The following ANKRD36C variants were observed in gnomAD, a reference collection of about 807,000 sequenced individuals.
The protein encoded by ANKRD36C is ankyrin repeat domain-containing protein 36C.
ANKRD36C carries 61 observed loss-of-function variants against 276.4 expected under a neutral mutation model. That is an observed-to-expected ratio of 0.22 (90% CI 0.18 to 0.27). The LOEUF (loss-of-function observed/expected upper bound fraction) is 0.27, where lower values mean the gene tolerates loss of function less well. Among genes scored for constraint, ANKRD36C ranks in the 10% least tolerant of loss-of-function variants. ANKRD36C has a pLI of 1.00. For missense variants in ANKRD36C, 1,447 were observed against 2,032.3 expected (o/e 0.71, Z 5.54); for synonymous variants, 483 against 680.1 (o/e 0.71, Z 4.51).
At chr2:95,946,294 AAC>A (rs1678048567) in intron 17 of ANKRD36C, among the ~76,000 whole-genome samples, 1 of 151,694 alleles carries the variant, frequency 6.6e-6, no homozygotes, top group African/African-American at 2.4e-5. Flanking sequence ...GCAGCCAAAA[AAC>A]ACATGAAAAA....
exon 67 of ANKRD36C, chr2:95,851,194 A>G (rs1269445781): frequency 1.3e-6 from 2 of 1,539,650 alleles, no homozygotes; most frequent in East Asian, 2.4e-5. Flanking sequence ...CACCTGCAGC[A>G]TCTGAAATAA....
chr2:95,882,886 C>A (rs894405414), intron 54 of ANKRD36C, among the ~76,000 whole-genome samples: 1 of 152,096 alleles, frequency 6.6e-6, no homozygotes, highest in Non-Finnish European at 1.5e-5. Flanking sequence ...TGCAAGACAT[C>A]AGAAGGATTT....
chr2:95,859,842 A>G lies in ANKRD36C; in HGVS notation c.3896+19T>C. The G allele has an allele frequency of 6.5e-7, 1 of 1,547,684 alleles. No homozygotes were observed. The highest frequency in any genetic ancestry group is 8.7e-7 in the Non-Finnish European group (1 of 1,145,618). On this transcript the variant is annotated intron_variant, in intron 61 of 66. Coordinates refer to ENST00000456556, the Ensembl canonical transcript of ANKRD36C. ...TATAAAACAAACAGTTCAAACATTTATTTAAAACTAGGTCATACCTCAAAC... is the reference window on the plus strand; with the variant it reads ...TATAAAACAAACAGTTCAAACATTTGTTTAAAACTAGGTCATACCTCAAAC...
chr2:95,882,232 T>A, intron 56 of ANKRD36C, 70 bp downstream of exon 76: 1 of 1,515,726 alleles, frequency 6.6e-7, no homozygotes, highest in Non-Finnish European at 8.9e-7. Flanking sequence ...CCCCTGCTGA[T>A]CTATTCAGGG....
At chr2:95,866,396 T>C (rs541281293) in intron 60 of ANKRD36C, among the ~76,000 whole-genome samples, 11 of 152,186 alleles carry the variant, frequency 7.2e-5, no homozygotes, top group Non-Finnish European at 1.5e-4. Flanking sequence ...CTAAAAGTAA[T>C]AGTATCCAAA....
chr2:95,860,968 A>C (rs1244112687), intron 60 of ANKRD36C, among the ~76,000 whole-genome samples: 1 of 152,186 alleles, frequency 6.6e-6, no homozygotes, highest in African/African-American at 2.4e-5. Flanking sequence ...CAGTTAAAGA[A>C]AATTAGCAGA....
chr2:95,892,624 A>T (rs887502398), intron 44 of ANKRD36C, among the ~76,000 whole-genome samples: 5 of 151,556 alleles, frequency 3.3e-5, no homozygotes, highest in Non-Finnish European at 5.9e-5. Flanking sequence ...TTGACCAGTT[A>T]TTCATTCAGA....
chr2:95,872,730 T>C (rs1171229189), intron 59 of ANKRD36C, among the ~76,000 whole-genome samples: 1 of 151,956 alleles, frequency 6.6e-6, no homozygotes, highest in African/African-American at 2.4e-5. Context: ...ATCCAGGAGC[T>C]GGTTTTTTGA....
intron 59 of ANKRD36C, among the ~76,000 whole-genome samples, chr2:95,873,782 T>C (rs1343240218): frequency 3.3e-5 from 5 of 152,292 alleles, no homozygotes; most frequent in South Asian, 2.1e-4. Flanking sequence ...GAAAACCCCA[T>C]TGTCTCAGCC....
intron 65 of ANKRD36C, 59 bp from the exon 86 acceptor site, chr2:95,851,846 AT>A (rs1675299126): frequency 6.8e-7 from 1 of 1,472,980 alleles, no homozygotes; most frequent in Non-Finnish European, 9.1e-7. Context: ...AATCATGTAA[AT>A]TCTAAACAAA....
At chr2:95,880,189 AAAAAC>A (rs1205862557) in intron 58 of ANKRD36C, among the ~76,000 whole-genome samples, 42 of 151,854 alleles carry the variant, frequency 2.8e-4, no homozygotes, top group Non-Finnish European at 2.1e-4. Flanking sequence ...TCCAAAAACA[AAAAAC>A]AAAACAAAAC....
chr2:95,852,070 G>A, intron 65 of ANKRD36C, 56 bp downstream of exon 85: 2 of 1,524,184 alleles, frequency 1.3e-6, no homozygotes. Context: ...TCATACTACA[G>A]TGCTCCTTTG....
At chr2:95,956,680 T>C in intron 13 of ANKRD36C, 106 bp downstream of exon 13, 1 of 978,318 alleles carries the variant, frequency 1.0e-6, no homozygotes, top group South Asian at 1.7e-5. Context: ...ATATTAAGCA[T>C]GTAATACGGT....
chr2:95,857,268 A>G, intron 62 of ANKRD36C, 41 bp downstream of exon 82: 2 of 1,575,608 alleles, frequency 1.3e-6, no homozygotes, highest in Non-Finnish European at 1.7e-6. Flanking sequence ...AGTAATATTA[A>G]TAAGAGTAGA....
chr2:95,930,265 G>T (rs1490613675), intron 24 of ANKRD36C, among the ~76,000 whole-genome samples: 2 of 151,252 alleles, frequency 1.3e-5, no homozygotes, highest in Non-Finnish European at 3.0e-5. Context: ...ATATACCTCT[G>T]GTGCCCAATG....
intron 28 of ANKRD36C, among the ~76,000 whole-genome samples, chr2:95,926,840 C>G (rs1162038278): frequency 1.3e-5 from 2 of 151,558 alleles, no homozygotes; most frequent in African/African-American, 4.8e-5. Context: ...GGGCTATTAC[C>G]ATAATTTCTC....
chr2:95,949,119 C>A (rs1224813135), intron 16 of ANKRD36C, among the ~76,000 whole-genome samples: 1 of 152,042 alleles, frequency 6.6e-6, no homozygotes, highest in Non-Finnish European at 1.5e-5. Context: ...TTAAAGAGGG[C>A]CCACTGATTC....
chr2:95,979,541 T>C (rs1033148765), intron 5 of ANKRD36C, among the ~76,000 whole-genome samples: 1 of 151,994 alleles, frequency 6.6e-6, no homozygotes, highest in African/African-American at 2.4e-5. Context: ...ATCTTCATTA[T>C]TATAGAAAAC....
Position 95,912,398 on chromosome 2 carries a change from T to C in ANKRD36C, c.2580+9A>G. 3.1e-6 allele frequency: 5 copies of C among 1,603,584 alleles called. No homozygotes were observed. The highest frequency in any genetic ancestry group is 4.2e-6 in the Non-Finnish European group (5 of 1,177,730). The stretch of plus-strand genomic sequence containing the variant: ...TACTAGCTCACAATATGAATGAGAG[T>C]TTCATTACCTTCAAGGCTGGTTTTT... On this transcript the variant is annotated intron_variant, in intron 41 of 66. Coordinates refer to ENST00000456556, the Ensembl canonical transcript of ANKRD36C.
Sources: allele counts gnomAD v4.1 joint callset (sites outside exome capture counted in the v4.1 genomes callset), GRCh38; gene constraint gnomAD v4.1.1; transcripts MANE v1.5; gene names NCBI Gene and HGNC (gene_info 2026-07-23, HGNC 2026-07-21).